SNN: variants seen among roughly 807,000 people sequenced by gnomAD.
SNN encodes the protein stannin, also known as AG8_1.
A neutral mutation model predicts 5.3 loss-of-function variants in SNN; 5 were observed. The ratio of observed to expected loss-of-function variants is 0.94; its 90% CI spans 0.49 to 1.97. The LOEUF is 1.97. SNN is among the 30% of genes most tolerant of loss of function. SNN has a pLI of 0.01. For missense variants in SNN, 127 were observed against 121.6 expected (o/e 1.04, Z -0.21); for synonymous variants, 67 against 52.1 (o/e 1.29, Z -1.24).
intron 1 of SNN, among the ~76,000 whole-genome samples, chr16:11,674,000 C>T (rs930626313): frequency 2.6e-5 from 4 of 152,238 alleles, no homozygotes; most frequent in Non-Finnish European, 5.9e-5. Flanking sequence ...GGTCCCTGGA[C>T]AGACGCTGGG....
Position 11,676,427 on chromosome 16 carries a change from A to G in SNN, c.*101A>G, listed in dbSNP as rs903423226. The G allele has an allele frequency of 5.1e-6, 7 of 1,384,334 alleles. No homozygotes were observed. The highest frequency in any genetic ancestry group is 6.9e-6 in the Non-Finnish European group (7 of 1,021,048). The allele number at this position is 1,384,334 out of a possible 1,614,324, so 85.8% of individuals were successfully genotyped here. A position where few individuals can be genotyped will look rare whatever the true frequency, so the allele number is the denominator to read the frequency against. On this transcript the variant is annotated 3_prime_UTR_variant, in exon 2 of 2. Coordinates refer to ENST00000329565, the MANE Select transcript of SNN (RefSeq NM_003498.6). Reference sequence around the variant, plus strand: ...CTGCTGTCTGAGAGGAAGGGCTGACACTTGCTGGCATGGCCTCTGCGGGCT... The same window carrying G: ...CTGCTGTCTGAGAGGAAGGGCTGACGCTTGCTGGCATGGCCTCTGCGGGCT...
In SNN at chr16:11,672,384, G is replaced by C. The variant is rs373288624; in HGVS notation, c.-85-3591G>C. Among the ~76,000 whole-genome samples the C allele has an allele frequency of 1.9e-4, 29 of 152,248 alleles. No homozygotes were observed. The highest frequency in any genetic ancestry group is 9.7e-4 in the East Asian group (5 of 5,170). On this transcript the variant is annotated intron_variant, in intron 1 of 1. Coordinates refer to ENST00000329565, the MANE Select transcript of SNN (RefSeq NM_003498.6). The surrounding 1 kb of genome is among the most constrained non-coding windows in gnomAD (Gnocchi z 6.0). The stretch of plus-strand genomic sequence containing the variant: ...AGGAGGGGCGCCTGGGTCCAGGGTG[G>C]TCTGGGAGGGCAGCCTGCAAGAGGC...
rs748591293 is a variant in SNN, at chr16:11,676,200, G to A, written c.141G>A (p.Glu47=). 2 of 1,614,216 alleles carry A rather than the reference G, an allele frequency of 1.2e-6. No homozygotes were observed. The highest frequency in any genetic ancestry group is 2.2e-5 in the South Asian group (2 of 91,092). ...AGCGCATCAGCCAGTCAGAGGACGAGGAGAGCATCGTGGGGGATGGGGAGA... is the reference window on the plus strand; with the variant it reads ...AGCGCATCAGCCAGTCAGAGGACGAAGAGAGCATCGTGGGGGATGGGGAGA... ...RLQRISQSED[E]ESIVGDGETK... The change falls in exon 2 of 2, where the codon GAG becomes GAA. Residue 47 remains glutamate (E), a synonymous_variant. Transcript: ENST00000329565.
chr16:11,670,744 C>T (rs967625107), intron 1 of SNN, among the ~76,000 whole-genome samples: 1 of 152,184 alleles, frequency 6.6e-6, no homozygotes, highest in African/African-American at 2.4e-5. Context: ...GGGACTCCAG[C>T]CTGCTCTACT....
chr16:11,678,118 G>C lies in SNN; in HGVS notation c.*1792G>C, dbSNP rs1048835265. 2 of 167,208 alleles carry C rather than the reference G, an allele frequency of 1.2e-5. No homozygotes were observed. The highest frequency in any genetic ancestry group is 2.4e-5 in the African/African-American group (1 of 41,442). 10.4% of individuals were successfully genotyped at this position (167,208 alleles called of 1,614,324 possible). On this transcript the variant is annotated 3_prime_UTR_variant, in exon 2 of 2. Coordinates refer to ENST00000329565, the MANE Select transcript of SNN (RefSeq NM_003498.6). Reference sequence around the variant, plus strand: ...AACACCTCTGGCTACTGATGGTGTGGCAAGTTCAGAAGAGGTGGTGGTGGG... The same window carrying C: ...AACACCTCTGGCTACTGATGGTGTGCCAAGTTCAGAAGAGGTGGTGGTGGG...
At position 11,671,065 on chromosome 16, in the gene SNN, G is replaced by A. The variant is rs567619153; in HGVS notation, c.-86+2525G>A. Among the ~76,000 whole-genome samples the A allele has an allele frequency of 1.9e-4, 29 of 152,376 alleles. No homozygotes were observed. The highest frequency in any genetic ancestry group is 3.5e-4 in the Non-Finnish European group (24 of 68,042). On this transcript the variant is annotated intron_variant, in intron 1 of 1. Coordinates refer to ENST00000329565, the MANE Select transcript of SNN (RefSeq NM_003498.6). This position sits in a 1 kb window ranked among gnomAD's most constrained non-coding sequence, Gnocchi z 4.7. The stretch of plus-strand genomic sequence containing the variant: ...GTGGCCAAGGGCGGTGCAGGCCCCC[G>A]CTCACCTGGCATGGCTCAGGCTTGT...
Position 11,672,093 on chromosome 16 carries a change from T to C in SNN, c.-86+3553T>C, listed in dbSNP as rs531793996. On this transcript the variant is annotated intron_variant, in intron 1 of 1. Transcript: ENST00000329565. This position sits in a 1 kb window ranked among gnomAD's most constrained non-coding sequence, Gnocchi z 6.0. ...GTGTCAGGGACCCCCCCACCTATGA[T>C]CCCCCTGAGAACAGGGTCTCCTCTA... Among the ~76,000 whole-genome samples, 18 of 152,122 alleles carry C rather than the reference T, an allele frequency of 1.2e-4. No homozygotes were observed. Among genetic ancestry groups the C allele is most frequent in the African/African-American group, 3.9e-4 (16 of 41,492 alleles).
chr16:11,675,991 C>G lies in SNN; in HGVS notation c.-69C>G. On this transcript the variant is annotated 5_prime_UTR_variant, in exon 2 of 2. Coordinates refer to ENST00000329565, the MANE Select transcript of SNN (RefSeq NM_003498.6). ...GTCTTTCAGGACTCCCGTGTCCAGCCTGAGTTCCAGCCTCACTGAGTGGCC... is the reference window on the plus strand; with the variant it reads ...GTCTTTCAGGACTCCCGTGTCCAGCGTGAGTTCCAGCCTCACTGAGTGGCC... 1 of 1,500,524 alleles carries G rather than the reference C, an allele frequency of 6.7e-7. No homozygotes were observed. Among genetic ancestry groups the G allele is most frequent in the Non-Finnish European group, 8.9e-7 (1 of 1,120,986 alleles). 93.0% of individuals were successfully genotyped at this position (1,500,524 alleles called of 1,614,324 possible). A position where few individuals can be genotyped will look rare whatever the true frequency, so the allele number is the denominator to read the frequency against.
Position 11,677,129 on chromosome 16 carries a change from TCTTCAGCACGCCAAGCCCCCCACCAACC to T in SNN, c.*806_*833del, listed in dbSNP as rs2050310350. The T allele has an allele frequency of 6.0e-6, 1 of 167,036 alleles. No individual in the cohort carries two copies. The highest frequency in any genetic ancestry group is 1.5e-5 in the Non-Finnish European group (1 of 68,154). 10.3% of individuals were successfully genotyped at this position (167,036 alleles called of 1,614,324 possible). ...GCAGAGCAGTTTCTTGCCGCTTGGG[TCTTCAGCACGCCAAGCCCCCCACCAACC>T]CTCCACCCCGAGTGAAGGCTTCGCT... On this transcript the variant is annotated 3_prime_UTR_variant, in exon 2 of 2. Transcript: ENST00000329565. This position sits in a 1 kb window ranked among gnomAD's most constrained non-coding sequence, Gnocchi z 4.2.
At chr16:11,669,566 A>G (rs1300966724) in intron 1 of SNN, among the ~76,000 whole-genome samples, 2 of 152,250 alleles carry the variant, frequency 1.3e-5, no homozygotes, top group South Asian at 4.1e-4. Flanking sequence ...GGGAACAGTA[A>G]TAGCTCAACT....
At chr16:11,675,947 C>T (rs2050300227) in intron 1 of SNN, 28 bp from the exon 2 acceptor site, 1 of 1,171,432 alleles carries the variant, frequency 8.5e-7, no homozygotes, top group Non-Finnish European at 1.2e-6. Context: ...GTGCTAACCG[C>T]AGCTCGTCAA....
chr16:11,673,060 C>T (rs1324530895), intron 1 of SNN, among the ~76,000 whole-genome samples: 3 of 152,128 alleles, frequency 2.0e-5, no homozygotes, highest in African/African-American at 4.8e-5. Flanking sequence ...CCCCAGCAGG[C>T]CCTGGGAACC....
Position 11,676,476 on chromosome 16 carries a change from C to G in SNN, c.*150C>G, listed in dbSNP as rs530409928. On this transcript the variant is annotated 3_prime_UTR_variant, in exon 2 of 2. Coordinates refer to ENST00000329565, the MANE Select transcript of SNN (RefSeq NM_003498.6). ...CTTCGTCATCGCATGCACTGATGCC[C>G]GGGGACCTGGCTGTCCTGGGCTTCC... is the stretch of plus-strand genomic sequence containing the variant. 6.0e-6 allele frequency: 6 copies of G among 992,326 alleles called. No individual in the cohort carries two copies. The South Asian group carries it at 1.0e-4, about 17-fold the overall frequency. 61.5% of individuals were successfully genotyped at this position (992,326 alleles called of 1,614,324 possible). A position where few individuals can be genotyped will look rare whatever the true frequency, so the allele number is the denominator to read the frequency against.
At position 11,676,147 on chromosome 16, in the gene SNN, C is replaced by G; in HGVS notation, c.88C>G (p.Leu30Val). 1 of 1,614,222 alleles carries G rather than the reference C, an allele frequency of 6.2e-7. No homozygotes were observed. Among genetic ancestry groups the G allele is most frequent in the Non-Finnish European group, 8.5e-7 (1 of 1,180,042 alleles). ...CATCGCGGCCCTGGGGGCCTTGATC[C>G]TGGGCTGCTGGTGCTACCTGCGGCT... The part of the protein sequence containing the change: ...IAIAALGALI[L>V]GCWCYLRLQR... The change falls in exon 2 of 2, where the codon CTG (leucine) becomes GTG (valine). Residue 30 changes from leucine (L) to valine (V), a missense_variant. Coordinates refer to ENST00000329565, the MANE Select transcript of SNN (RefSeq NM_003498.6).
chr16:11,676,642 C>G lies in SNN; in HGVS notation c.*316C>G, dbSNP rs1663260160. 3 of 355,186 alleles carry G rather than the reference C, an allele frequency of 8.4e-6. No individual in the cohort carries two copies. In the South Asian group the frequency reaches 1.7e-4, roughly 21 times the overall value. 22.0% of individuals were successfully genotyped at this position (355,186 alleles called of 1,614,324 possible). On this transcript the variant is annotated 3_prime_UTR_variant, in exon 2 of 2. Transcript: ENST00000329565. Reference sequence around the variant, plus strand: ...TGGAGCTACTACTGTAATGCGTGAACTAACAAACCTGTGAACTGTAAATAG... The same window carrying G: ...TGGAGCTACTACTGTAATGCGTGAAGTAACAAACCTGTGAACTGTAAATAG...
intron 1 of SNN, among the ~76,000 whole-genome samples, chr16:11,674,607 G>A (rs766342794): frequency 3.9e-5 from 6 of 152,198 alleles, no homozygotes; most frequent in Non-Finnish European, 5.9e-5. Flanking sequence ...AACTTCTGGC[G>A]TCATTCTTTC....
rs1044521519 is a variant in SNN, at chr16:11,672,086, C to T, written c.-86+3546C>T. On this transcript the variant is annotated intron_variant, in intron 1 of 1. Coordinates refer to ENST00000329565, the MANE Select transcript of SNN (RefSeq NM_003498.6). The surrounding 1 kb of genome is among the most constrained non-coding windows in gnomAD (Gnocchi z 6.0). ...GCCCTGAGTGTCAGGGACCCCCCCA[C>T]CTATGATCCCCCTGAGAACAGGGTC... Among the ~76,000 whole-genome samples, 6 of 152,008 alleles carry T rather than the reference C, an allele frequency of 3.9e-5. No individual in the cohort carries two copies. Among genetic ancestry groups the T allele is most frequent in the African/African-American group, 1.4e-4 (6 of 41,424 alleles).
rs995523281 is a variant in SNN at position 11,676,687 on chromosome 16, T to C, written c.*361T>C. ...AAATAGGCCCCTGGAAGCACGTGCT[T>C]AAGCCCTTTTGCTGATTTTTAAAAA... On this transcript the variant is annotated 3_prime_UTR_variant, in exon 2 of 2. Transcript: ENST00000329565. The C allele has an allele frequency of 1.6e-5, 4 of 251,612 alleles. No individual in the cohort carries two copies. The highest frequency in any genetic ancestry group is 8.8e-5 in the African/African-American group (4 of 45,616). The allele number at this position is 251,612 out of a possible 1,614,324, so 15.6% of individuals were successfully genotyped here.
Position 11,677,551 on chromosome 16 carries a change from G to A in SNN, c.*1225G>A, listed in dbSNP as rs554118456. ...CCTGTGCTTGCGGCAGGGAGCCGGGGCAGGGCAGAGGTGAACTTGAAGTTC... is the reference window on the plus strand; with the variant it reads ...CCTGTGCTTGCGGCAGGGAGCCGGGACAGGGCAGAGGTGAACTTGAAGTTC... On this transcript the variant is annotated 3_prime_UTR_variant, in exon 2 of 2. Coordinates refer to ENST00000329565, the MANE Select transcript of SNN (RefSeq NM_003498.6). This position sits in a 1 kb window ranked among gnomAD's most constrained non-coding sequence, Gnocchi z 4.2. 4.2e-5 allele frequency: 7 copies of A among 167,164 alleles called. No homozygotes were observed. The South Asian group carries it at 1.5e-3, about 35-fold the overall frequency. The allele number at this position is 167,164 out of a possible 1,614,324, so 10.4% of individuals were successfully genotyped here. A position where few individuals can be genotyped will look rare whatever the true frequency, so the allele number is the denominator to read the frequency against.
Sources: allele counts gnomAD v4.1 joint callset (sites outside exome capture counted in the v4.1 genomes callset), GRCh38; gene constraint gnomAD v4.1.1; non-coding constraint Gnocchi (gnomAD v3.1); transcripts MANE v1.5; gene names NCBI Gene and HGNC (gene_info 2026-07-23, HGNC 2026-07-21).